The following CNTN4 variants were observed in gnomAD, a reference collection of about 807,000 sequenced individuals.
The protein encoded by CNTN4 is contactin-4.
Under a neutral mutation model 122.5 loss-of-function variants are expected in CNTN4, and 77 were observed. The observed-to-expected ratio is 0.63, with a 90% CI of 0.52 to 0.76. The LOEUF (loss-of-function observed/expected upper bound fraction) is 0.76. CNTN4 is among the 30% of genes least tolerant of loss of function. The pLI is 0.00. For synonymous variants in CNTN4, 512 were observed against 447.0 expected, an observed-to-expected ratio of 1.15 and a Z score of -1.83; for missense variants, 1,256 against 1,259.1, an observed-to-expected ratio of 1.00 and a Z score of 0.04.
chr3:2,504,312 C>G (rs1339907688), intron 3 of CNTN4, among the ~76,000 whole-genome samples: 1 of 152,112 alleles, frequency 6.6e-6, no homozygotes, highest in Admixed American at 6.5e-5. Context: ...TCACATTTTT[C>G]TACCATCTTC....
At chr3:2,793,899 G>C (rs1390523590) in intron 6 of CNTN4, among the ~76,000 whole-genome samples, 1 of 152,028 alleles carries the variant, frequency 6.6e-6, no homozygotes. Flanking sequence ...CTTTGAGAAT[G>C]AATCACTCAA....
At chr3:3,000,716 CT>C (rs1038043667) in intron 14 of CNTN4, among the ~76,000 whole-genome samples, 1 of 152,114 alleles carries the variant, frequency 6.6e-6, no homozygotes, top group Non-Finnish European at 1.5e-5. Flanking sequence ...TAAATGTTGA[CT>C]CATATATCCC....
chr3:2,442,593 A>AT (rs35112792), intron 3 of CNTN4, among the ~76,000 whole-genome samples: 45,970 of 150,152 alleles, frequency 0.31, 7,264 homozygotes, highest in Admixed American at 0.39. Flanking sequence ...ACACACACAC[A>AT]TTTTTTTTTT....
chr3:2,559,242 T>C (rs563621689), intron 3 of CNTN4, among the ~76,000 whole-genome samples: 21 of 152,320 alleles, frequency 1.4e-4, no homozygotes, highest in Middle Eastern at 3.4e-3. Flanking sequence ...TATTAGTTTG[T>C]ATCTGATAAT....
At chr3:2,130,520 A>C (rs1209381783) in intron 2 of CNTN4, among the ~76,000 whole-genome samples, 1 of 152,194 alleles carries the variant, frequency 6.6e-6, no homozygotes, top group Non-Finnish European at 1.5e-5. Flanking sequence ...TTCTAATTAC[A>C]TGCCTTAACT....
intron 3 of CNTN4, among the ~76,000 whole-genome samples, chr3:2,430,882 A>G (rs2048044189): frequency 6.6e-6 from 1 of 152,166 alleles, no homozygotes; most frequent in Non-Finnish European, 1.5e-5. Flanking sequence ...AGACTTATCT[A>G]AACAGCTCAT....
chr3:2,371,918 G>C (rs1255640933), intron 3 of CNTN4, among the ~76,000 whole-genome samples: 1 of 152,196 alleles, frequency 6.6e-6, no homozygotes, highest in Non-Finnish European at 1.5e-5. Flanking sequence ...AAATACAGCA[G>C]TTGGCCAAGT....
chr3:2,573,133 C>T (rs2079500746), intron 4 of CNTN4, among the ~76,000 whole-genome samples: 1 of 152,190 alleles, frequency 6.6e-6, no homozygotes, highest in Admixed American at 6.5e-5. Flanking sequence ...CTTGCCTGTT[C>T]ATAGCGTATG....
At chr3:2,884,229 G>A (rs2093944430) in intron 9 of CNTN4, among the ~76,000 whole-genome samples, 1 of 152,078 alleles carries the variant, frequency 6.6e-6, no homozygotes, top group African/African-American at 2.4e-5. Context: ...CCTAGCCACT[G>A]AGCCAGGCAA....
At chr3:2,779,006 C>T (rs147950172) in intron 6 of CNTN4, among the ~76,000 whole-genome samples, 1 of 152,136 alleles carries the variant, frequency 6.6e-6, no homozygotes, top group Non-Finnish European at 1.5e-5. Context: ...CTGTGTTAGC[C>T]TCTTAATGCC....
intron 13 of CNTN4, among the ~76,000 whole-genome samples, chr3:2,950,095 A>G (rs1033254934): frequency 1.3e-5 from 2 of 152,232 alleles, no homozygotes; most frequent in Non-Finnish European, 2.9e-5. Context: ...TACCTTATCC[A>G]TGACTAATGG....
chr3:2,510,586 T>C (rs1210148709), intron 3 of CNTN4, among the ~76,000 whole-genome samples: 2 of 152,158 alleles, frequency 1.3e-5, no homozygotes, highest in East Asian at 3.9e-4. Flanking sequence ...TTTTCTAAAA[T>C]GGAATGTTTT....
At chr3:3,007,818 G>A (rs188200825) in intron 14 of CNTN4, among the ~76,000 whole-genome samples, 3 of 152,244 alleles carry the variant, frequency 2.0e-5, no homozygotes, top group Admixed American at 6.5e-5. Context: ...GTGACACTGG[G>A]CTATCATATA....
intron 3 of CNTN4, among the ~76,000 whole-genome samples, chr3:2,375,405 T>C (rs2045778904): frequency 6.6e-6 from 1 of 152,164 alleles, no homozygotes; most frequent in Non-Finnish European, 1.5e-5. Flanking sequence ...AGGAGATGGG[T>C]CATTTTGAAG....
chr3:2,250,718 G>A (rs1161020425), intron 2 of CNTN4, among the ~76,000 whole-genome samples: 1 of 151,890 alleles, frequency 6.6e-6, no homozygotes, highest in South Asian at 2.1e-4. Flanking sequence ...GTTTTGGACT[G>A]CATTATGCAT....
chr3:2,443,148 TAAAAAA>T (rs10576200), intron 3 of CNTN4, among the ~76,000 whole-genome samples: 2 of 139,922 alleles, frequency 1.4e-5, no homozygotes, highest in African/African-American at 5.3e-5. Context: ...AAATAAAAGT[TAAAAAA>T]AAAAAAAAAG....
rs1233921461 is a variant in CNTN4 at position 2,612,722 on chromosome 3, CCAA to C, written c.55+41168_55+41170del. 2.6e-5 allele frequency among the ~76,000 whole-genome samples: 4 copies of C among 152,192 alleles called. No individual in the cohort carries two copies. In the East Asian group the frequency reaches 7.7e-4, roughly 29 times the overall value. ...TCTTATTTCTTACTCTTTAAAGAAA[CCAA>C]CAAGCTTTTCATGTCTCTATTACAG... is the stretch of plus-strand genomic sequence containing the variant. On this transcript the variant is annotated intron_variant, in intron 4 of 24. Coordinates refer to ENST00000418658, the MANE Select transcript of CNTN4 (RefSeq NM_175607.3).
intron 6 of CNTN4, among the ~76,000 whole-genome samples, chr3:2,807,883 C>T (rs2092508180): frequency 6.6e-6 from 1 of 152,096 alleles, no homozygotes; most frequent in South Asian, 2.1e-4. Context: ...CAGTTTCCTC[C>T]CAAGCTTCTT....
intron 3 of CNTN4, among the ~76,000 whole-genome samples, chr3:2,354,038 G>A (rs978058840): frequency 6.6e-6 from 1 of 152,082 alleles, no homozygotes; most frequent in Non-Finnish European, 1.5e-5. Flanking sequence ...ATTTTCTTAT[G>A]ACGTAACCTA....
Sources: gnomAD v4.1 joint callset for allele counts (sites outside exome capture counted in the v4.1 genomes callset) on GRCh38, gnomAD v4.1.1 for gene constraint, MANE v1.5 for transcripts, NCBI Gene and HGNC (gene_info 2026-07-23, HGNC 2026-07-21) for gene names.